Variants in DUOX1 observed in about 807,000 individuals in gnomAD.
DUOX1 encodes the protein dual oxidase 1, also known as NADPH thyroid oxidase 1.
DUOX1 carries 134 observed loss-of-function variants against 181.8 expected under a neutral mutation model. The ratio of observed to expected loss-of-function variants is 0.74; its 90% CI spans 0.64 to 0.85. DUOX1 has a LOEUF of 0.85. Ranked by LOEUF, DUOX1 falls within the 40% of genes least tolerant of loss-of-function variation. The probability of loss-of-function intolerance (pLI) is 0.00; values close to 1 mark genes in which losing one functional copy is unlikely to be tolerated. For synonymous variants in DUOX1, 798 were observed against 832.5 expected, an observed-to-expected ratio of 0.96 and a Z score of 0.71; for missense variants, 1,814 against 2,064.4, an observed-to-expected ratio of 0.88 and a Z score of 2.35.
At chr15:45,136,244 C>G in intron 7 of DUOX1, 106 bp from the exon 8 acceptor site, 1 of 1,552,248 alleles carries the variant, frequency 6.4e-7, no homozygotes, top group Non-Finnish European at 8.8e-7. Context: ...CCATGACTGA[C>G]CCTGGCTGGT....
chr15:45,148,385 A>C lies in DUOX1; in HGVS notation c.2756A>C (p.Asp919Ala). 1 of 1,614,098 alleles carries C rather than the reference A, an allele frequency of 6.2e-7. No homozygotes were observed. The highest frequency in any genetic ancestry group is 8.5e-7 in the Non-Finnish European group (1 of 1,180,026). The change falls in exon 21 of 34, where the codon GAT becomes GCT. Residue 919 changes from aspartate to alanine, a missense_variant. By Grantham distance (126) the Asp-to-Ala change is moderately radical (BLOSUM62 -2). This residue lies in a region of DUOX1 where 1,064 missense variants were observed against 1,152.9 expected (regional missense o/e 0.92). Transcript: ENST00000389037. ...GACAAGGAGGAACTGACATGGGAAG[A>C]TTTTCACTTCATGCTGCGGGACCAC... ...FQDKEELTWEDFHFMLRDHNS... is the reference protein window; with the variant it reads ...FQDKEELTWEAFHFMLRDHNS...
chr15:45,152,189 C>T, intron 24 of DUOX1, 97 bp from the exon 25 acceptor site: 1 of 1,468,734 alleles, frequency 6.8e-7, no homozygotes, highest in Non-Finnish European at 9.2e-7. Flanking sequence ...GCGGGGGAGG[C>T]CTGTTGTGAG....
At chr15:45,151,101 T>C (rs746392948) in intron 22 of DUOX1, 22 bp from the exon 23 acceptor site, 1 of 1,613,538 alleles carries the variant, frequency 6.2e-7, no homozygotes, top group Non-Finnish European at 8.5e-7. Flanking sequence ...CAGCATCCTA[T>C]CTCTTACCAT....
Position 45,163,883 on chromosome 15 carries a change from C to T in DUOX1, c.4498C>T (p.Pro1500Ser), listed in dbSNP as rs750143963. 1.9e-6 allele frequency: 3 copies of T among 1,614,136 alleles called. No homozygotes were observed. The highest frequency in any genetic ancestry group is 2.5e-6 in the Non-Finnish European group (3 of 1,180,010). ...ITHFGRPPFEPFFNSLQEVHP... is the reference protein window; with the variant it reads ...ITHFGRPPFESFFNSLQEVHP... ...CCACTTTGGCCGTCCCCCCTTTGAG[C>T]CCTTCTTCAACTCCCTGCAGGAGGT... is the stretch of plus-strand genomic sequence containing the variant. Residue 1500 changes from proline to serine, a missense_variant, in exon 33 of 34, where the codon CCC becomes TCC. Pro to Ser is a moderately conservative substitution (Grantham distance 74, BLOSUM62 -1). Coordinates refer to ENST00000389037, the MANE Select transcript of DUOX1 (RefSeq NM_175940.3).
intron 18 of DUOX1, among the ~76,000 whole-genome samples, chr15:45,146,903 C>T (rs573599398): frequency 6.6e-6 from 1 of 152,332 alleles, no homozygotes; most frequent in African/African-American, 2.4e-5. Flanking sequence ...TTCTCAAGCC[C>T]AGCTTTTCCT....
Position 45,139,057 on chromosome 15 carries a change from C to T in DUOX1, c.1114-9C>T. ...ACACCCCTTTCCTCCCCACCCCCAA[C>T]CTATAAAGCACCCAAGCCTACAAAG... On this transcript the variant is annotated splice_polypyrimidine_tract_variant and intron_variant, in intron 10 of 33. Transcript: ENST00000389037. 1 of 1,612,348 alleles carries T rather than the reference C, an allele frequency of 6.2e-7. No homozygotes were observed. Among genetic ancestry groups the T allele is most frequent in the Non-Finnish European group, 8.5e-7 (1 of 1,179,088 alleles).
rs140249290 is a variant in DUOX1 at position 45,142,087 on chromosome 15, C to T, written c.1797C>T (p.Ile599=). Reference sequence around the variant, plus strand: ...GTGGATTTGGCTTCGGGGTCACCATCGGGACCCTCTGTTGCTTCCCTTTGG... The same window carrying T: ...GTGGATTTGGCTTCGGGGTCACCATTGGGACCCTCTGTTGCTTCCCTTTGG... ...EGSGFGFGVT[I]GTLCCFPLVS... The change falls in exon 15 of 34, where the codon ATC becomes ATT. Residue 599 remains isoleucine (I), a synonymous_variant. Transcript: ENST00000389037. 347 of 1,613,920 alleles carry T rather than the reference C, an allele frequency of 2.2e-4. 1 individual carries two copies. The African/African-American group carries it at 4.1e-3, about 19-fold the overall frequency.
chr15:45,148,254 C>CCT lies in DUOX1; in HGVS notation c.2643-14_2643-13dup. 3 of 1,613,764 alleles carry CCT rather than the reference C, an allele frequency of 1.9e-6. No individual in the cohort carries two copies. The highest frequency in any genetic ancestry group is 2.5e-6 in the Non-Finnish European group (3 of 1,180,020). ...AGGCCCCAGTCAGGGCCGGATGGTT[C>CCT]CTCTCCCCCAACCCCAGATCCTTCA... On this transcript the variant is annotated splice_polypyrimidine_tract_variant and intron_variant, in intron 20 of 33. Coordinates refer to ENST00000389037, the MANE Select transcript of DUOX1 (RefSeq NM_175940.3).
chr15:45,147,876 T>G, intron 19 of DUOX1, 28 bp from the exon 20 acceptor site: 1 of 1,597,216 alleles, frequency 6.3e-7, no homozygotes, highest in South Asian at 1.1e-5. Flanking sequence ...AGGCGGGGGC[T>G]CTCCTTATGG....
rs1163290988 is a variant in DUOX1, at chr15:45,152,587, C to G, written c.3424+71C>G. The stretch of plus-strand genomic sequence containing the variant: ...CCGCTGACTTCCCCTCGTATGAGAG[C>G]CCCCCTCTCTGCTGGCACTTACCTT... On this transcript the variant is annotated intron_variant, in intron 25 of 33. Transcript: ENST00000389037. 5 of 1,365,532 alleles carry G rather than the reference C, an allele frequency of 3.7e-6. No homozygotes were observed. The African/African-American group carries it at 7.2e-5, about 20-fold the overall frequency. 84.6% of individuals were successfully genotyped at this position (1,365,532 alleles called of 1,614,324 possible).
At position 45,134,413 on chromosome 15, in the gene DUOX1, G is replaced by C; in HGVS notation, c.307+104G>C. 8 of 1,285,586 alleles carry C rather than the reference G, an allele frequency of 6.2e-6. No homozygotes were observed. The South Asian group carries it at 1.2e-4, about 20-fold the overall frequency. 79.6% of individuals were successfully genotyped at this position (1,285,586 alleles called of 1,614,324 possible). ...GAGAGAGAAGTGATGGAAGGCCTAA[G>C]GGATGAGGGTGAGAGGTGGAGGAGG... On this transcript the variant is annotated intron_variant, in intron 4 of 33. Transcript: ENST00000389037.
Position 45,163,899 on chromosome 15 carries a change from T to G in DUOX1, c.4514T>G (p.Leu1505Arg). 6.2e-7 allele frequency: 1 copy of G among 1,614,120 alleles called. No individual in the cohort carries two copies. Among genetic ancestry groups the G allele is most frequent in the Non-Finnish European group, 8.5e-7 (1 of 1,179,988 alleles). Residue 1505 changes from leucine to arginine, a missense_variant, in exon 33 of 34, where the codon CTG becomes CGG. Physicochemically the swap from Leu to Arg is moderately radical, Grantham distance 102 (BLOSUM62 -2). Coordinates refer to ENST00000389037, the MANE Select transcript of DUOX1 (RefSeq NM_175940.3). Reference protein sequence around the residue: ...RPPFEPFFNSLQEVHPQVRKI... With the variant: ...RPPFEPFFNSRQEVHPQVRKI... ...CCCTTTGAGCCCTTCTTCAACTCCCTGCAGGAGGTCCACCCCCAGGTCAGT... is the reference window on the plus strand; with the variant it reads ...CCCTTTGAGCCCTTCTTCAACTCCCGGCAGGAGGTCCACCCCCAGGTCAGT...
At position 45,161,880 on chromosome 15, in the gene DUOX1, C is replaced by G. The variant is rs763472250; in HGVS notation, c.3999C>G (p.Ser1333Arg). Residue 1333 changes from serine (S) to arginine (R), a missense_variant, in exon 30 of 34, where the codon AGC becomes AGG. Physicochemically the swap from Ser to Arg is moderately radical, Grantham distance 110. Coordinates refer to ENST00000389037, the MANE Select transcript of DUOX1 (RefSeq NM_175940.3). ...LTSAPHEDTL[S>R]LHIRAAGPWT... The stretch of plus-strand genomic sequence containing the variant: ...CTGCGCCCCATGAGGACACGCTTAG[C>G]CTGCACATCCGGGCAGCAGGGCCCT... 3 of 1,613,980 alleles carry G rather than the reference C, an allele frequency of 1.9e-6. No individual in the cohort carries two copies. Among genetic ancestry groups the G allele is most frequent in the South Asian group, 1.1e-5 (1 of 91,064 alleles).
At chr15:45,153,357 C>T in intron 25 of DUOX1, 23 bp from the exon 26 acceptor site, 1 of 1,607,788 alleles carries the variant, frequency 6.2e-7, no homozygotes. Context: ...CCCAAGCTCA[C>T]CACTTGGTCT....
chr15:45,140,792 C>G, intron 12 of DUOX1, 103 bp from the exon 13 acceptor site: 2 of 1,179,088 alleles, frequency 1.7e-6, no homozygotes, highest in Non-Finnish European at 2.4e-6. Flanking sequence ...CTGTTACTGT[C>G]ATTTATTATT....
chr15:45,151,350 C>T (rs1442237888), intron 23 of DUOX1, 102 bp downstream of exon 23: 5 of 1,472,408 alleles, frequency 3.4e-6, no homozygotes, highest in Non-Finnish European at 4.6e-6. Flanking sequence ...ATTGTGGGTA[C>T]AGGCAGGGTG....
At chr15:45,148,098 C>T (rs2141279115) in intron 20 of DUOX1, 101 bp downstream of exon 20, 3 of 1,418,498 alleles carry the variant, frequency 2.1e-6, no homozygotes, top group Non-Finnish European at 3.0e-6. Context: ...GGAAGGAAGC[C>T]TCCTCCTTAC....
In DUOX1 at chr15:45,154,009, C is replaced by G; in HGVS notation, c.3574+9C>G. ...CTTCCAGACCGTACCAGGTGAGAAC[C>G]CTCCTTGATCCATGAATTTCTGGAC... On this transcript the variant is annotated intron_variant, in intron 27 of 33. Transcript: ENST00000389037. 1 of 1,613,136 alleles carries G rather than the reference C, an allele frequency of 6.2e-7. No homozygotes were observed. The highest frequency in any genetic ancestry group is 8.5e-7 in the Non-Finnish European group (1 of 1,179,154).
rs367782982 is a variant in DUOX1, at chr15:45,135,275, G to A, written c.479G>A (p.Ser160Asn). The A allele has an allele frequency of 4.1e-5, 66 of 1,611,084 alleles. No homozygotes were observed. The highest frequency in any genetic ancestry group is 5.2e-5 in the Non-Finnish European group (61 of 1,179,176). ...RWDPETGRSP[S>N]NPRDPANQVT... ...GACCCCGAGACCGGACGGAGTCCCA[G>A]CAATCCCCGGGACCCGGTGAGGCGG... is the stretch of plus-strand genomic sequence containing the variant. Residue 160 changes from serine (S) to asparagine (N), a missense_variant, in exon 5 of 34, where the codon AGC becomes AAC. Ser to Asn is a conservative substitution (Grantham distance 46). Transcript: ENST00000389037.
Sources: gnomAD v4.1 joint callset for allele counts (sites outside exome capture counted in the v4.1 genomes callset) on GRCh38, gnomAD v4.1.1 for gene constraint, gnomAD v4.1.1 regional missense constraint, MANE v1.5 for transcripts, NCBI Gene and HGNC (gene_info 2026-07-23, HGNC 2026-07-21) for gene names.